FAM168A: variants seen among roughly 807,000 people sequenced by gnomAD.
The protein encoded by FAM168A is family with sequence similarity 168 member A, also known as protein FAM168A.
A neutral mutation model predicts 28.5 loss-of-function variants in FAM168A; 3 were observed. The ratio of observed to expected loss-of-function variants is 0.11; its 90% CI spans 0.05 to 0.27. The LOEUF (loss-of-function observed/expected upper bound fraction) is 0.27. FAM168A is among the 10% of genes least tolerant of loss of function. The pLI, the probability that FAM168A is intolerant of heterozygous loss-of-function variation, is 1.00. For synonymous variants in FAM168A, 122 were observed against 124.2 expected, an observed-to-expected ratio of 0.98 and a Z score of 0.12; for missense variants, 222 against 311.5, an observed-to-expected ratio of 0.71 and a Z score of 2.16.
chr11:73,586,801 T>C (rs1219352648), intron 1 of FAM168A, among the ~76,000 whole-genome samples: 1 of 152,196 alleles, frequency 6.6e-6, no homozygotes, highest in Non-Finnish European at 1.5e-5. Context: ...ACCACTCTTA[T>C]GCATAGCTAT....
intron 1 of FAM168A, among the ~76,000 whole-genome samples, chr11:73,535,722 CT>C (rs59312114): frequency 0.67 from 77,800 of 116,784 alleles, 25,723 homozygotes; most frequent in East Asian, 0.83. Context: ...CCTCACCCTT[CT>C]TTTTTTTTTT....
intron 1 of FAM168A, among the ~76,000 whole-genome samples, chr11:73,501,337 A>G (rs1855007015): frequency 6.6e-6 from 1 of 152,252 alleles, no homozygotes; most frequent in Non-Finnish European, 1.5e-5. Flanking sequence ...CTCTGGATCA[A>G]GTGGACCTGG....
chr11:73,558,691 C>T (rs562305896), intron 1 of FAM168A, among the ~76,000 whole-genome samples: 1 of 151,744 alleles, frequency 6.6e-6, no homozygotes, highest in Non-Finnish European at 1.5e-5. Context: ...TGAAAAGATG[C>T]TTAACATCAT....
intron 2 of FAM168A, among the ~76,000 whole-genome samples, 196 bp downstream of exon 2, chr11:73,468,209 T>G (rs1276161439): frequency 6.6e-6 from 1 of 152,220 alleles, no homozygotes; most frequent in East Asian, 1.9e-4. Flanking sequence ...CTCCTGGTAT[T>G]ATTGTAGAAC....
intron 1 of FAM168A, among the ~76,000 whole-genome samples, chr11:73,482,527 A>G (rs74381729): frequency 2.2e-4 from 33 of 152,116 alleles, no homozygotes; most frequent in African/African-American, 7.7e-4. Flanking sequence ...AATGTGAAGA[A>G]ATACAGGTGT....
chr11:73,468,372 T>C (rs752426516), intron 2 of FAM168A, 33 bp downstream of exon 2: 2 of 1,601,412 alleles, frequency 1.2e-6, no homozygotes, highest in African/African-American at 2.7e-5. Context: ...AACCACCATT[T>C]CTCAAAATGA....
intron 1 of FAM168A, among the ~76,000 whole-genome samples, chr11:73,569,741 G>T (rs1944063895): frequency 6.6e-6 from 1 of 152,024 alleles, no homozygotes; most frequent in African/African-American, 2.4e-5. Flanking sequence ...AGAATCACTT[G>T]AACCCGGGGG....
intron 1 of FAM168A, among the ~76,000 whole-genome samples, chr11:73,564,075 G>A (rs1276667058): frequency 6.6e-6 from 1 of 152,164 alleles, no homozygotes; most frequent in African/African-American, 2.4e-5. Flanking sequence ...ACACACCTCT[G>A]TAGTGTAGCA....
chr11:73,523,525 T>C (rs1943411749), intron 1 of FAM168A, among the ~76,000 whole-genome samples: 1 of 152,162 alleles, frequency 6.6e-6, no homozygotes, highest in Non-Finnish European at 1.5e-5. Flanking sequence ...ATAAGGCTTA[T>C]ATCAAAAAAG....
chr11:73,419,659 C>T (rs887461433), intron 4 of FAM168A, among the ~76,000 whole-genome samples: 1 of 152,190 alleles, frequency 6.6e-6, no homozygotes, highest in Non-Finnish European at 1.5e-5. Flanking sequence ...CTTCTCCTTC[C>T]CTCAGTGCTT....
At chr11:73,559,847 TC>T (rs1286081747) in intron 1 of FAM168A, among the ~76,000 whole-genome samples, 1 of 152,176 alleles carries the variant, frequency 6.6e-6, no homozygotes, top group Non-Finnish European at 1.5e-5. Flanking sequence ...CACACAAACT[TC>T]CCAAAAATTG....
At chr11:73,499,903 G>A (rs1373341474) in intron 1 of FAM168A, among the ~76,000 whole-genome samples, 1 of 152,140 alleles carries the variant, frequency 6.6e-6, no homozygotes, top group Non-Finnish European at 1.5e-5. Context: ...CGGTTGACTG[G>A]AGTACCAGGA....
intron 1 of FAM168A, among the ~76,000 whole-genome samples, chr11:73,510,083 A>G (rs1855190550): frequency 6.6e-6 from 1 of 152,146 alleles, no homozygotes; most frequent in African/African-American, 2.4e-5. Flanking sequence ...TTTCTCCCCC[A>G]TGAAAATCAT....
chr11:73,488,568 G>A (rs950262902), intron 1 of FAM168A, among the ~76,000 whole-genome samples: 4 of 151,990 alleles, frequency 2.6e-5, no homozygotes, highest in Non-Finnish European at 5.9e-5. Flanking sequence ...ATTAATCATC[G>A]AAAAGAGAGT....
At chr11:73,584,403 T>A (rs1944283686) in intron 1 of FAM168A, among the ~76,000 whole-genome samples, 1 of 151,416 alleles carries the variant, frequency 6.6e-6, no homozygotes, top group South Asian at 2.1e-4. Flanking sequence ...TCTCAAGTGA[T>A]CCTCCTGCCT....
In FAM168A at chr11:73,547,528, G is replaced by C. The variant is rs187718039; in HGVS notation, c.-19+50395C>G. Among the ~76,000 whole-genome samples, 154 of 152,154 alleles carry C rather than the reference G, an allele frequency of 1.0e-3. 1 individual carries two copies. Among genetic ancestry groups the C allele is most frequent in the Non-Finnish European group, 1.7e-3 (116 of 67,990 alleles). On this transcript the variant is annotated intron_variant, in intron 1 of 7. Transcript: ENST00000356467. ...AAATTAAAAATAAGCCAGGTGTGCT[G>C]ATGCACACCTGTAGTCCCAGCTACT...
chr11:73,580,509 G>A, intron 1 of FAM168A: 1 of 609,474 alleles, frequency 1.6e-6, no homozygotes. Context: ...GAAGGTGCTG[G>A]AGATGCCAAG....
chr11:73,451,207 C>T (rs1345214894), intron 2 of FAM168A, among the ~76,000 whole-genome samples: 1 of 152,166 alleles, frequency 6.6e-6, no homozygotes, highest in Admixed American at 6.5e-5. Context: ...AGCTCCTGGG[C>T]AGCTTTGTCT....
At chr11:73,519,955 A>G (rs1471176499) in intron 1 of FAM168A, among the ~76,000 whole-genome samples, 1 of 151,930 alleles carries the variant, frequency 6.6e-6, no homozygotes, top group Non-Finnish European at 1.5e-5. Context: ...GACTCTGCCC[A>G]GTACATAGAT....
Sources: gnomAD v4.1 joint callset for allele counts (sites outside exome capture counted in the v4.1 genomes callset) on GRCh38, gnomAD v4.1.1 for gene constraint, MANE v1.5 for transcripts, NCBI Gene and HGNC (gene_info 2026-07-23, HGNC 2026-07-21) for gene names.